The following APBB2 variants were observed in gnomAD, a reference collection of about 807,000 sequenced individuals.
APBB2 encodes the protein Fe65-like 1.
A neutral mutation model predicts 82.5 loss-of-function variants in APBB2; 38 were observed. The ratio of observed to expected loss-of-function variants is 0.46; its 90% CI spans 0.36 to 0.60. The LOEUF (loss-of-function observed/expected upper bound fraction) is 0.60, where lower values mean the gene tolerates loss of function less well. Among genes scored for constraint, APBB2 ranks in the 20% least tolerant of loss-of-function variants. APBB2 has a pLI of 0.00. For synonymous variants in APBB2, 341 were observed against 368.2 expected, an observed-to-expected ratio of 0.93 and a Z score of 0.85; for missense variants, 772 against 972.3, an observed-to-expected ratio of 0.79 and a Z score of 2.74.
At chr4:41,091,169 T>C (rs1055413154) in intron 3 of APBB2, among the ~76,000 whole-genome samples, 10 of 152,122 alleles carry the variant, frequency 6.6e-5, no homozygotes, top group African/African-American at 2.2e-4. Flanking sequence ...AGCCAACCAA[T>C]CAGAGTTGTA....
intron 17 of APBB2, 129 bp downstream of exon 17, chr4:40,821,742 T>A: frequency 9.3e-7 from 1 of 1,072,526 alleles, no homozygotes; most frequent in Non-Finnish European, 1.3e-6. Flanking sequence ...AATGACGGCG[T>A]TATAAAGTAA....
intron 4 of APBB2, among the ~76,000 whole-genome samples, chr4:41,041,942 T>TG (rs1450877104): frequency 6.6e-6 from 1 of 152,216 alleles, no homozygotes; most frequent in Non-Finnish European, 1.5e-5. Context: ...ATTTTTTCAA[T>TG]GAAGCAAAAG....
At position 41,018,285 on chromosome 4, in the gene APBB2, A is replaced by G. The variant is rs1579283791; in HGVS notation, c.20-3887T>C. On this transcript the variant is annotated intron_variant, in intron 5 of 17. Coordinates refer to ENST00000508593, the MANE Select transcript of APBB2 (RefSeq NM_004307.2). ...GAAAACCAAGGAACATAAAGTTCCTACCTGCTATGTGCTTTCAGGCTTGCA... is the reference window on the plus strand; with the variant it reads ...GAAAACCAAGGAACATAAAGTTCCTGCCTGCTATGTGCTTTCAGGCTTGCA... Among the ~76,000 whole-genome samples the G allele has an allele frequency of 2.0e-5, 3 of 152,234 alleles. No homozygotes were observed. The South Asian group carries it at 6.2e-4, about 32-fold the overall frequency.
chr4:41,179,179 C>CAAGGAGA (rs1355770906), intron 1 of APBB2, among the ~76,000 whole-genome samples: 1 of 152,162 alleles, frequency 6.6e-6, no homozygotes, highest in African/African-American at 2.4e-5. Flanking sequence ...TGTGAGGTTC[C>CAAGGAGA]AAGGAGAACT....
chr4:40,887,476 C>A (rs1770649107), intron 12 of APBB2, among the ~76,000 whole-genome samples: 1 of 152,060 alleles, frequency 6.6e-6, no homozygotes, highest in South Asian at 2.1e-4. Flanking sequence ...ATGTTTTATT[C>A]ATGCAAAGTG....
At chr4:40,874,106 A>AAT (rs766373909) in intron 12 of APBB2, among the ~76,000 whole-genome samples, 10 of 152,242 alleles carry the variant, frequency 6.6e-5, no homozygotes, top group Admixed American at 1.3e-4. Context: ...AACGAGGCGA[A>AAT]ATATTAGTTG....
chr4:40,918,011 T>A (rs1780260851), intron 10 of APBB2, among the ~76,000 whole-genome samples: 1 of 152,224 alleles, frequency 6.6e-6, no homozygotes, highest in African/African-American at 2.4e-5. Context: ...GTGAAACTTA[T>A]TCCATGACAA....
intron 3 of APBB2, among the ~76,000 whole-genome samples, chr4:41,082,771 T>C (rs1371536163): frequency 7.9e-5 from 12 of 152,146 alleles, no homozygotes; most frequent in Non-Finnish European, 1.5e-5. Flanking sequence ...GAAGCATTAT[T>C]CACAAAAGGA....
At chr4:41,010,739 C>A (rs1184353665) in intron 6 of APBB2, among the ~76,000 whole-genome samples, 1 of 151,966 alleles carries the variant, frequency 6.6e-6, no homozygotes, top group Admixed American at 6.6e-5. Flanking sequence ...AAAAGACTGA[C>A]GTAGAAAAAT....
intron 6 of APBB2, among the ~76,000 whole-genome samples, chr4:40,960,549 G>A (rs536710457): frequency 6.8e-5 from 10 of 146,594 alleles, no homozygotes; most frequent in African/African-American, 2.0e-4. Flanking sequence ...CCGAGTTCAC[G>A]CCATTCTCCT....
intron 2 of APBB2, among the ~76,000 whole-genome samples, chr4:41,129,957 C>G (rs140921605): frequency 1.3e-5 from 2 of 152,108 alleles, no homozygotes; most frequent in African/African-American, 4.8e-5. Flanking sequence ...GGAGGAGTGA[C>G]AGGAAGGTTT....
chr4:40,869,091 A>C (rs28588525), intron 12 of APBB2, among the ~76,000 whole-genome samples: 38,512 of 151,610 alleles, frequency 0.25, 5,258 homozygotes, highest in African/African-American at 0.33. Context: ...TGCAGTGGTG[A>C]GATCTTGGCT....
intron 1 of APBB2, among the ~76,000 whole-genome samples, chr4:41,164,448 A>G (rs555969975): frequency 6.6e-6 from 1 of 152,324 alleles, no homozygotes; most frequent in East Asian, 1.9e-4. Context: ...GTTTCAAGAC[A>G]CTGACACAGG....
intron 7 of APBB2, among the ~76,000 whole-genome samples, chr4:40,939,171 C>T (rs12642993): frequency 0.24 from 36,484 of 152,024 alleles, 4,542 homozygotes; most frequent in Admixed American, 0.29. Flanking sequence ...TATAAATTAC[C>T]CAGTTTCAGG....
chr4:41,108,301 T>C (rs79142473), intron 2 of APBB2, among the ~76,000 whole-genome samples: 2 of 152,174 alleles, frequency 1.3e-5, no homozygotes, highest in Non-Finnish European at 2.9e-5. Flanking sequence ...GAGCTAATGG[T>C]TGAAAAGAAA....
At chr4:41,032,000 C>G (rs770991938) in intron 5 of APBB2, among the ~76,000 whole-genome samples, 6 of 152,094 alleles carry the variant, frequency 3.9e-5, no homozygotes, top group Admixed American at 1.3e-4. Context: ...TGTGTAAACT[C>G]AGGTTTGTCA....
At chr4:41,075,763 G>C (rs538109653) in intron 3 of APBB2, among the ~76,000 whole-genome samples, 2 of 152,150 alleles carry the variant, frequency 1.3e-5, no homozygotes, top group Non-Finnish European at 2.9e-5. Context: ...GGTCAGACTT[G>C]GAATGTATAC....
intron 5 of APBB2, among the ~76,000 whole-genome samples, chr4:41,027,401 ATAT>A (rs1560560338): frequency 1.6e-4 from 19 of 119,518 alleles, no homozygotes; most frequent in African/African-American, 4.5e-4. Flanking sequence ...ATATATATAT[ATAT>A]AACATTTTCA....
chr4:41,110,969 C>T (rs759025958), intron 2 of APBB2, among the ~76,000 whole-genome samples: 1 of 152,150 alleles, frequency 6.6e-6, no homozygotes, highest in African/African-American at 2.4e-5. Context: ...CCAGTGGGAA[C>T]CCTGAGCTTG....
Sources: allele counts gnomAD v4.1 joint callset (sites outside exome capture counted in the v4.1 genomes callset), GRCh38; gene constraint gnomAD v4.1.1; transcripts MANE v1.5; gene names NCBI Gene and HGNC (gene_info 2026-07-23, HGNC 2026-07-21).